Variants in CSMD1 observed in about 807,000 individuals in gnomAD.
CSMD1 encodes the protein CUB and sushi domain-containing protein 1.
A neutral mutation model predicts 417.5 loss-of-function variants in CSMD1; 213 were observed. That is an observed-to-expected ratio of 0.51 (90% CI 0.46 to 0.57). CSMD1 has a LOEUF of 0.57. CSMD1 is among the 20% of genes least tolerant of loss of function. The probability of loss-of-function intolerance (pLI) is 0.00; values close to 1 mark genes in which losing one functional copy is unlikely to be tolerated. For synonymous variants in CSMD1, 2,862 were observed against 1,736.8 expected (o/e 1.65, Z -16.11); for missense variants, 6,923 against 4,529.7 (o/e 1.53, Z -15.17).
At position 4,504,889 on chromosome 8, in the gene CSMD1, G is replaced by A. The variant is rs567507322; in HGVS notation, c.303-84824C>T. Reference sequence around the variant, plus strand: ...TCTCTATCCAGTCTGTCATTGATGGGCATTTGGGTTGGTTCCAAGTCTTTG... The same window carrying A: ...TCTCTATCCAGTCTGTCATTGATGGACATTTGGGTTGGTTCCAAGTCTTTG... On this transcript the variant is annotated intron_variant, in intron 2 of 69. Coordinates refer to ENST00000635120, the MANE Select transcript of CSMD1 (RefSeq NM_033225.6). Among the ~76,000 whole-genome samples the A allele has an allele frequency of 4.6e-5, 7 of 152,240 alleles. No homozygotes were observed. In the South Asian group the frequency reaches 1.2e-3, roughly 27 times the overall value.
At chr8:3,014,480 A>G (rs1200115679) in intron 52 of CSMD1, among the ~76,000 whole-genome samples, 2 of 152,232 alleles carry the variant, frequency 1.3e-5, no homozygotes, top group Admixed American at 1.3e-4. Context: ...TTTCCATAAT[A>G]TCTCACCAAG....
intron 21 of CSMD1, among the ~76,000 whole-genome samples, chr8:3,354,952 GAGAA>G (rs1193148830): frequency 1.5e-5 from 1 of 67,474 alleles, no homozygotes; most frequent in Non-Finnish European, 2.8e-5. Flanking sequence ...TAGAGAGACA[GAGAA>G]AGAGAGTTTA....
intron 5 of CSMD1, among the ~76,000 whole-genome samples, chr8:3,774,018 G>T (rs1994049): frequency 0.27 from 41,329 of 151,960 alleles, 6,537 homozygotes; most frequent in African/African-American, 0.44. Flanking sequence ...CAGTTGCTGC[G>T]CTATCCTACC....
chr8:3,984,751 A>ATATT, intron 5 of CSMD1, among the ~76,000 whole-genome samples: 1 of 60,266 alleles, frequency 1.7e-5, no homozygotes, highest in Non-Finnish European at 3.4e-5. Context: ...ATATATATAT[A>ATATT]TTTGTATGTA....
At chr8:3,698,440 G>T (rs1371393466) in intron 7 of CSMD1, among the ~76,000 whole-genome samples, 1 of 152,100 alleles carries the variant, frequency 6.6e-6, no homozygotes, top group African/African-American at 2.4e-5. Context: ...ACTGTTAGAG[G>T]TTAATGGCGC....
At chr8:3,075,968 A>C (rs551967608) in intron 49 of CSMD1, among the ~76,000 whole-genome samples, 1 of 151,320 alleles carries the variant, frequency 6.6e-6, no homozygotes, top group Non-Finnish European at 1.5e-5. Flanking sequence ...GGAGAATGGC[A>C]TGAACCTGGG....
chr8:4,664,023 G>A (rs890150698), intron 1 of CSMD1, among the ~76,000 whole-genome samples: 3 of 152,164 alleles, frequency 2.0e-5, no homozygotes, highest in East Asian at 1.9e-4. Flanking sequence ...ACACAATGCT[G>A]TTCTGATGAA....
At chr8:4,797,381 T>G (rs76302405) in intron 1 of CSMD1, among the ~76,000 whole-genome samples, 1 of 152,144 alleles carries the variant, frequency 6.6e-6, no homozygotes, top group South Asian at 2.1e-4. Flanking sequence ...GTGTTCCGCC[T>G]GAATCTAGGG....
At chr8:4,795,987 G>A (rs533353414) in intron 1 of CSMD1, among the ~76,000 whole-genome samples, 1 of 152,262 alleles carries the variant, frequency 6.6e-6, no homozygotes, top group South Asian at 2.1e-4. Context: ...TCTCTGATAT[G>A]TCATAAAGCA....
intron 12 of CSMD1, among the ~76,000 whole-genome samples, chr8:3,461,601 G>T (rs1816507055): frequency 6.6e-6 from 1 of 151,970 alleles, no homozygotes; most frequent in African/African-American, 2.4e-5. Flanking sequence ...GGAAGAGGAA[G>T]GGCCCCATGA....
chr8:4,142,787 C>G (rs1239290727), intron 3 of CSMD1, among the ~76,000 whole-genome samples: 1 of 150,974 alleles, frequency 6.6e-6, no homozygotes, highest in African/African-American at 2.5e-5. Context: ...CAGGCTTCAA[C>G]AAAGTCTCGT....
At chr8:4,377,268 C>T (rs943342371) in intron 3 of CSMD1, among the ~76,000 whole-genome samples, 1 of 152,128 alleles carries the variant, frequency 6.6e-6, no homozygotes, top group Non-Finnish European at 1.5e-5. Flanking sequence ...ACTATCACCC[C>T]TGGGACAGAG....
At position 4,637,377 on chromosome 8, in the gene CSMD1, G is replaced by T; in HGVS notation, c.267C>A (p.Tyr89Ter). ...LEEDFDILSV[Y>*]DGQPQQGNLK... ...AATTCCCTTGTTGAGGCTGTCCATCGTAAACTGATAAAATATCAAAATCTT... is the reference window on the plus strand; with the variant it reads ...AATTCCCTTGTTGAGGCTGTCCATCTTAAACTGATAAAATATCAAAATCTT... Residue 89 changes from tyrosine to a stop codon, truncating the protein, a stop_gained, in exon 2 of 70, where the codon TAC (tyrosine) becomes TAA (stop). Transcript: ENST00000635120. LOFTEE classifies it high-confidence loss of function. 6.2e-7 allele frequency: 1 copy of T among 1,613,842 alleles called. No individual in the cohort carries two copies. The highest frequency in any genetic ancestry group is 8.5e-7 in the Non-Finnish European group (1 of 1,179,812).
intron 1 of CSMD1, among the ~76,000 whole-genome samples, chr8:4,774,300 C>T (rs1193795727): frequency 6.6e-6 from 1 of 152,134 alleles, no homozygotes; most frequent in Non-Finnish European, 1.5e-5. Flanking sequence ...TCTTACTTTC[C>T]TGAGCAAGTT....
chr8:3,957,231 C>A (rs773696700), intron 5 of CSMD1, among the ~76,000 whole-genome samples: 1 of 152,174 alleles, frequency 6.6e-6, no homozygotes, highest in Non-Finnish European at 1.5e-5. Context: ...AATATAGGAG[C>A]AAAGACAGTC....
chr8:3,309,005 T>C (rs1805113558), intron 23 of CSMD1, among the ~76,000 whole-genome samples: 1 of 152,242 alleles, frequency 6.6e-6, no homozygotes, highest in East Asian at 1.9e-4. Flanking sequence ...ATTACAGGCG[T>C]GAGCCACTGC....
intron 23 of CSMD1, among the ~76,000 whole-genome samples, chr8:3,314,282 A>C (rs969132068): frequency 5.9e-5 from 9 of 152,230 alleles, no homozygotes; most frequent in African/African-American, 1.2e-4. Flanking sequence ...AAGTTTTTAA[A>C]GGATATGTTT....
chr8:4,818,636 G>A (rs1044988608), intron 1 of CSMD1, among the ~76,000 whole-genome samples: 1 of 151,954 alleles, frequency 6.6e-6, no homozygotes, highest in African/African-American at 2.4e-5. Context: ...GCCAGTAAAA[G>A]GAAATAATAT....
chr8:3,973,789 T>C (rs1638366360), intron 5 of CSMD1, among the ~76,000 whole-genome samples: 1 of 152,228 alleles, frequency 6.6e-6, no homozygotes, highest in Non-Finnish European at 1.5e-5. Flanking sequence ...ACACAGTATC[T>C]ATTTCTCAGA....
Sources: allele counts gnomAD v4.1 joint callset (sites outside exome capture counted in the v4.1 genomes callset), GRCh38; gene constraint gnomAD v4.1.1; transcripts MANE v1.5; gene names NCBI Gene and HGNC (gene_info 2026-07-23, HGNC 2026-07-21).